The following AFDN variants were observed in gnomAD, a reference collection of about 807,000 sequenced individuals.
AFDN encodes afadin, adherens junction formation factor.
In AFDN, 68 loss-of-function variants were observed where a neutral mutation model predicts 216.6. The ratio of observed to expected loss-of-function variants is 0.31; its 90% CI spans 0.26 to 0.38. AFDN has a LOEUF of 0.38. Ranked by LOEUF, AFDN falls within the 10% of genes least tolerant of loss-of-function variation. The pLI is 1.00. For synonymous variants in AFDN, 868 were observed against 853.7 expected (o/e 1.02, Z -0.29); for missense variants, 2,136 against 2,342.0 (o/e 0.91, Z 1.82).
At chr6:167,931,858 G>T (rs1793344434) in intron 23 of AFDN, among the ~76,000 whole-genome samples, 1 of 152,182 alleles carries the variant, frequency 6.6e-6, no homozygotes, top group Admixed American at 6.5e-5. Context: ...TTCTGTTTAT[G>T]CCTGGGCTTT....
chr6:167,857,207 A>G (rs1782999463), intron 1 of AFDN, among the ~76,000 whole-genome samples: 1 of 149,284 alleles, frequency 6.7e-6, no homozygotes, highest in Admixed American at 6.8e-5. Context: ...CCTGTGAAAG[A>G]GAGAGCGAGA....
At chr6:167,867,956 CA>C (rs1784373408) in intron 2 of AFDN, among the ~76,000 whole-genome samples, 1 of 151,996 alleles carries the variant, frequency 6.6e-6, no homozygotes, top group Non-Finnish European at 1.5e-5. Flanking sequence ...AGTGCTTTTT[CA>C]AATTAATAGT....
At position 167,947,895 on chromosome 6, in the gene AFDN, G is replaced by C. The variant is rs1795515191; in HGVS notation, c.3596G>C (p.Gly1199Ala). ...GGAGGGAAAAGTGCATATGCCTCTG[G>C]AACAACAGCGAAGATAACATCTGTC... ...SPGGKSAYASGTTAKITSVST... is the reference protein window; with the variant it reads ...SPGGKSAYASATTAKITSVST... Residue 1199 changes from glycine to alanine, a missense_variant, in exon 28 of 34, where the codon GGA becomes GCA. Gly to Ala is a moderately conservative substitution (Grantham distance 60). This residue lies in a region of AFDN where 981 missense variants were observed against 966.0 expected (regional missense o/e 1.02). Transcript: ENST00000683244. The C allele has an allele frequency of 1.2e-6, 2 of 1,613,908 alleles. No individual in the cohort carries two copies. The highest frequency in any genetic ancestry group is 2.7e-5 in the African/African-American group (2 of 74,896).
chr6:167,857,204 A>G (rs1404256623), intron 1 of AFDN, among the ~76,000 whole-genome samples: 1 of 150,686 alleles, frequency 6.6e-6, no homozygotes, highest in African/African-American at 2.4e-5. Flanking sequence ...TTTCCTGTGA[A>G]AGAGAGAGCG....
intron 30 of AFDN, among the ~76,000 whole-genome samples, chr6:167,954,096 G>A (rs773640477): frequency 1.3e-5 from 2 of 152,176 alleles, no homozygotes; most frequent in African/African-American, 2.4e-5. Flanking sequence ...AAGCCTTTTA[G>A]TATGAATTGC....
At chr6:167,878,966 T>C (rs1047865187) in intron 5 of AFDN, among the ~76,000 whole-genome samples, 7 of 152,242 alleles carry the variant, frequency 4.6e-5, no homozygotes, top group African/African-American at 1.7e-4. Flanking sequence ...TCGGTCATGT[T>C]CTTTCTCACA....
rs560121311 is a variant in AFDN at position 167,951,812 on chromosome 6, G to T, written c.4458G>T (p.Arg1486=). 18 of 1,614,100 alleles carry T rather than the reference G, an allele frequency of 1.1e-5. 1 individual carries two copies. In the South Asian group the frequency reaches 2.0e-4, roughly 18 times the overall value. Residue 1486 remains arginine, a synonymous_variant, in exon 30 of 34, where the codon CGG becomes CGT. Coordinates refer to ENST00000683244, the MANE Select transcript of AFDN (RefSeq NM_001386888.1). This position sits in a 1 kb window ranked among gnomAD's most constrained non-coding sequence, Gnocchi z 7.1. ...TLQRPQETVI[R]ELQPQQQPRT... ...AGCGGCCACAGGAAACAGTCATTCG[G>T]GAGCTGCAGCCTCAGCAGCAGCCCC...
intron 1 of AFDN, among the ~76,000 whole-genome samples, chr6:167,836,852 G>A (rs1484170288): frequency 2.6e-5 from 4 of 152,178 alleles, no homozygotes; most frequent in Admixed American, 1.3e-4. Context: ...GTGAATATAT[G>A]AATTTGTAAT....
chr6:167,951,906 C>A lies in AFDN; in HGVS notation c.4552C>A (p.Leu1518Met). 6.2e-7 allele frequency: 1 copy of A among 1,613,978 alleles called. No homozygotes were observed. Among genetic ancestry groups the A allele is most frequent in the Non-Finnish European group, 8.5e-7 (1 of 1,179,936 alleles). Residue 1518 changes from leucine (L) to methionine (M), a missense_variant, in exon 30 of 34, where the codon CTG becomes ATG. By Grantham distance (15) the Leu-to-Met change is conservative (BLOSUM62 2). This residue lies in a region of AFDN where 981 missense variants were observed against 966.0 expected (regional missense o/e 1.02). Transcript: ENST00000683244. This position sits in a 1 kb window ranked among gnomAD's most constrained non-coding sequence, Gnocchi z 7.1. The stretch of plus-strand genomic sequence containing the variant: ...AGAGGAGCTTTCCTCGGGGGACAGT[C>A]TGTCCCCCGACCCGTGGAAGCGGGA... ...SKEELSSGDS[L>M]SPDPWKRDAK...
Position 167,964,440 on chromosome 6 carries a change from A to C in AFDN, c.4969-1317A>C, listed in dbSNP as rs952607851. On this transcript the variant is annotated intron_variant, in intron 31 of 33. Coordinates refer to ENST00000683244, the MANE Select transcript of AFDN (RefSeq NM_001386888.1). Reference sequence around the variant, plus strand: ...GTCATTCTGGTTTATTCCTCACTCCAAGGGAACACTTACTTTGTGTAGACA... The same window carrying C: ...GTCATTCTGGTTTATTCCTCACTCCCAGGGAACACTTACTTTGTGTAGACA... The C allele has an allele frequency of 1.4e-5, 15 of 1,065,322 alleles. No individual in the cohort carries two copies. In the African/African-American group the frequency reaches 2.5e-4, roughly 17 times the overall value. 66.0% of individuals were successfully genotyped at this position (1,065,322 alleles called of 1,614,324 possible).
chr6:167,830,449 A>G (rs1320613254), intron 1 of AFDN, among the ~76,000 whole-genome samples: 1 of 152,232 alleles, frequency 6.6e-6, no homozygotes, highest in African/African-American at 2.4e-5. Flanking sequence ...ACCTTTATTC[A>G]TGACAAAATA....
chr6:167,830,933 CTTT>C (rs71681602), intron 1 of AFDN, among the ~76,000 whole-genome samples: 4 of 79,318 alleles, frequency 5.0e-5, no homozygotes, highest in African/African-American at 1.0e-4. Context: ...ATATTTGAAA[CTTT>C]TTTTTTTTTT....
chr6:167,880,333 C>T, intron 5 of AFDN, 27 bp from the exon 6 acceptor site: 4 of 1,605,904 alleles, frequency 2.5e-6, no homozygotes, highest in Non-Finnish European at 3.4e-6. Flanking sequence ...GTAAGTTGTA[C>T]TCAAAGATGT....
At chr6:167,966,299 CTCTT>C in intron 32 of AFDN, 1 of 1,464,314 alleles carries the variant, frequency 6.8e-7, no homozygotes, top group Non-Finnish European at 9.1e-7. Flanking sequence ...CAAATCAGCT[CTCTT>C]TGTCTTAATG....
At chr6:167,957,104 G>A (rs538749355) in intron 30 of AFDN, among the ~76,000 whole-genome samples, 22 of 152,196 alleles carry the variant, frequency 1.4e-4, no homozygotes, top group African/African-American at 5.3e-4. Context: ...GAGGGTCCCT[G>A]CCTGTCTCCA....
chr6:167,844,849 C>CTTTTTTTTTTTTTTTTT (rs67495555), intron 1 of AFDN, among the ~76,000 whole-genome samples: 1 of 127,716 alleles, frequency 7.8e-6, no homozygotes, highest in African/African-American at 2.9e-5. Flanking sequence ...CTTTTCTTTT[C>CTTTTTTTTTTTTTTTTT]TTTTTTTTTT....
intron 23 of AFDN, among the ~76,000 whole-genome samples, chr6:167,935,353 C>G (rs1241285527): frequency 6.6e-6 from 1 of 152,160 alleles, no homozygotes; most frequent in Non-Finnish European, 1.5e-5. Context: ...CCCTCTGATA[C>G]GCTGAAATTG....
intron 19 of AFDN, among the ~76,000 whole-genome samples, chr6:167,916,207 G>A (rs1351136878): frequency 1.3e-5 from 2 of 152,142 alleles, no homozygotes; most frequent in African/African-American, 2.4e-5. Context: ...GTCTTCGTAC[G>A]GCATTCTCCT....
Position 167,911,464 on chromosome 6 carries a change from T to A in AFDN, c.2012T>A (p.Val671Glu), listed in dbSNP as rs1043763687. Residue 671 changes from valine (V) to glutamate (E), a missense_variant, in exon 15 of 34, where the codon GTG becomes GAG. Physicochemically the swap from Val to Glu is moderately radical, Grantham distance 121 (BLOSUM62 -2). Transcript: ENST00000683244. ...GTCATTGCAGTCGTCAACAAGATGG[T>A]GAGCATGATGGAGGGTGTCATCCAG... ...HKVIAVVNKM[V>E]SMMEGVIQEV... is the part of the protein sequence containing the mutation. 1 of 1,614,054 alleles carries A rather than the reference T, an allele frequency of 6.2e-7. No homozygotes were observed. The highest frequency in any genetic ancestry group is 1.3e-5 in the African/African-American group (1 of 74,916).
Sources: gnomAD v4.1 joint callset for allele counts (sites outside exome capture counted in the v4.1 genomes callset) on GRCh38, gnomAD v4.1.1 for gene constraint, gnomAD v4.1.1 regional missense constraint, Gnocchi (gnomAD v3.1) non-coding constraint, MANE v1.5 for transcripts, NCBI Gene and HGNC (gene_info 2026-07-23, HGNC 2026-07-21) for gene names.